RSF1: variants seen among roughly 807,000 people sequenced by gnomAD.
RSF1 encodes HBV pX-associated protein 8.
RSF1 carries 13 observed loss-of-function variants against 145.2 expected under a neutral mutation model. That is an observed-to-expected ratio of 0.09 (90% CI 0.06 to 0.14). The LOEUF is 0.14. Ranked by LOEUF, RSF1 falls within the 10% of genes least tolerant of loss-of-function variation. The probability of loss-of-function intolerance (pLI) is 1.00; values close to 1 mark genes in which losing one functional copy is unlikely to be tolerated. For missense variants in RSF1, 1,517 were observed against 1,718.2 expected, an observed-to-expected ratio of 0.88 and a Z score of 2.07; for synonymous variants, 577 against 592.6, an observed-to-expected ratio of 0.97 and a Z score of 0.38.
upstream of RSF1, among the ~76,000 whole-genome samples, chr11:77,822,367 G>A (rs755946570): frequency 3.2e-4 from 45 of 140,812 alleles, no homozygotes; most frequent in Non-Finnish European, 5.8e-4. Flanking sequence ...GTGAGTCGAG[G>A]TCGCGCCACT....
At chr11:77,794,175 C>T (rs1565182757) in intron 1 of RSF1, among the ~76,000 whole-genome samples, 1 of 152,160 alleles carries the variant, frequency 6.6e-6, no homozygotes, top group South Asian at 2.1e-4. Context: ...AGGGACTTTG[C>T]ACCAAATGGA....
chr11:77,671,176 T>TAC (rs1959535868), intron 15 of RSF1, among the ~76,000 whole-genome samples: 1 of 100,534 alleles, frequency 9.9e-6, no homozygotes, highest in Non-Finnish European at 1.9e-5. Context: ...TATATATATA[T>TAC]ATTTATATGT....
the RSF1 span, among the ~76,000 whole-genome samples, chr11:77,839,342 C>T: frequency 6.6e-6 from 1 of 152,010 alleles, no homozygotes; most frequent in South Asian, 2.1e-4. Context: ...ACCAGGTCTC[C>T]CAATAGGAAT....
chr11:77,821,744 C>A (rs953206585), upstream of RSF1, among the ~76,000 whole-genome samples: 3 of 152,114 alleles, frequency 2.0e-5, no homozygotes, highest in African/African-American at 7.2e-5. Flanking sequence ...GGGCAGTGAA[C>A]ATTCCCACAA....
At chr11:77,736,905 G>T (rs1486744673) in intron 4 of RSF1, among the ~76,000 whole-genome samples, 8 of 152,114 alleles carry the variant, frequency 5.3e-5, no homozygotes, top group Admixed American at 1.3e-4. Flanking sequence ...GTATGTAATA[G>T]AATTTATAAA....
intron 1 of RSF1, among the ~76,000 whole-genome samples, chr11:77,816,611 A>C (rs945170044): frequency 6.6e-6 from 1 of 152,256 alleles, no homozygotes; most frequent in Non-Finnish European, 1.5e-5. Context: ...AGATATATGT[A>C]ACATCTCAAC....
At chr11:77,801,247 G>A (rs968080784) in intron 1 of RSF1, among the ~76,000 whole-genome samples, 1 of 152,062 alleles carries the variant, frequency 6.6e-6, no homozygotes, top group African/African-American at 2.4e-5. Flanking sequence ...TGGTCAACAT[G>A]GTGAAACCCC....
At chr11:77,712,630 T>C (rs1413820884) in intron 5 of RSF1, among the ~76,000 whole-genome samples, 1 of 152,250 alleles carries the variant, frequency 6.6e-6, no homozygotes, top group Non-Finnish European at 1.5e-5. Context: ...TTAGTATCTA[T>C]CAGGGATCTT....
At chr11:77,767,458 T>C (rs1481947146) in intron 1 of RSF1, among the ~76,000 whole-genome samples, 1 of 152,208 alleles carries the variant, frequency 6.6e-6, no homozygotes, top group African/African-American at 2.4e-5. Context: ...CCAGCCAGAT[T>C]TCTTACCCTA....
chr11:77,708,075 A>G (rs1432180542), intron 5 of RSF1, among the ~76,000 whole-genome samples: 1 of 152,174 alleles, frequency 6.6e-6, no homozygotes, highest in East Asian at 1.9e-4. Context: ...TAAGAAACCC[A>G]GTGTGTTTAA....
chr11:77,792,515 C>A (rs900796872), intron 1 of RSF1, among the ~76,000 whole-genome samples: 4 of 152,204 alleles, frequency 2.6e-5, no homozygotes, highest in East Asian at 1.9e-4. Flanking sequence ...AATCCCACCA[C>A]TGGGGACAGA....
In RSF1 at chr11:77,764,610, T is replaced by A. The variant is rs1318965074; in HGVS notation, c.267A>T (p.Lys89Asn). The A allele has an allele frequency of 9.4e-6, 15 of 1,587,338 alleles. No homozygotes were observed. The Admixed American group carries it at 2.3e-4, about 25-fold the overall frequency. ...GKSVTADRWE[K>N]YLIKICQEFN... ...AAATACTAGTTACCTTGATCAAATA[T>A]TTTTCCCATCTGTCTGCAGTAACAG... The change falls in exon 2 of 16, where the codon AAA becomes AAT. Residue 89 changes from lysine (K) to asparagine (N), a missense_variant. Physicochemically the swap from Lys to Asn is moderately conservative, Grantham distance 94 (BLOSUM62 0). This residue lies in a region of RSF1 where 94 missense variants were observed against 143.6 expected (regional missense o/e 0.65). Coordinates refer to ENST00000308488, the MANE Select transcript of RSF1 (RefSeq NM_016578.4).
intron 5 of RSF1, among the ~76,000 whole-genome samples, chr11:77,715,649 T>C (rs1228353027): frequency 6.6e-6 from 1 of 152,222 alleles, no homozygotes; most frequent in Non-Finnish European, 1.5e-5. Context: ...GGTTTCACAA[T>C]GTTGGCCAAG....
At chr11:77,726,616 G>C (rs935518270) in intron 4 of RSF1, among the ~76,000 whole-genome samples, 3 of 152,110 alleles carry the variant, frequency 2.0e-5, no homozygotes, top group African/African-American at 4.8e-5. Flanking sequence ...AAGATAAAAA[G>C]CAGGCCCTGG....
chr11:77,836,922 G>A, the RSF1 span, among the ~76,000 whole-genome samples: 9 of 152,052 alleles, frequency 5.9e-5, no homozygotes, highest in Non-Finnish European at 7.4e-5. Flanking sequence ...CCAAGATCGC[G>A]CCATTGCACT....
At chr11:77,836,890 G>A in the RSF1 span, among the ~76,000 whole-genome samples, 41 of 152,166 alleles carry the variant, frequency 2.7e-4, no homozygotes, top group African/African-American at 7.7e-4. Flanking sequence ...GCTTGAACCC[G>A]GGAGGCGGAG....
chr11:77,840,191 G>A, the RSF1 span, among the ~76,000 whole-genome samples: 2 of 152,084 alleles, frequency 1.3e-5, no homozygotes, highest in Non-Finnish European at 2.9e-5. Flanking sequence ...GGTATCTGGG[G>A]TTCATGGGAG....
At chr11:77,711,656 C>T (rs1329156121) in intron 5 of RSF1, among the ~76,000 whole-genome samples, 1 of 150,454 alleles carries the variant, frequency 6.6e-6, no homozygotes, top group Non-Finnish European at 1.5e-5. Flanking sequence ...GCAAGAAGAG[C>T]GAAAGTCCGT....
intron 4 of RSF1, among the ~76,000 whole-genome samples, chr11:77,727,680 A>G (rs1381949978): frequency 2.0e-5 from 3 of 151,998 alleles, no homozygotes; most frequent in African/African-American, 4.8e-5. Flanking sequence ...AGGTTTCACC[A>G]TGTTGGTCAG....
Sources: allele counts gnomAD v4.1 joint callset (sites outside exome capture counted in the v4.1 genomes callset), GRCh38; gene constraint gnomAD v4.1.1; regional missense constraint gnomAD v4.1.1; transcripts MANE v1.5; gene names NCBI Gene and HGNC (gene_info 2026-07-23, HGNC 2026-07-21).